FGF12: variants seen among roughly 807,000 people sequenced by gnomAD.
FGF12 encodes the protein fibroblast growth factor 12B.
Under a neutral mutation model 23.6 loss-of-function variants are expected in FGF12, and 14 were observed. That is an observed-to-expected ratio of 0.59 (90% confidence interval 0.39 to 0.93). The LOEUF (loss-of-function observed/expected upper bound fraction) is 0.93. FGF12 is among the 40% of genes least tolerant of loss of function. The pLI is 0.00. For missense variants in FGF12, 175 were observed against 217.8 expected (o/e 0.80, Z 1.24); for synonymous variants, 62 against 77.3 (o/e 0.80, Z 1.04).
rs35779279 is a variant in FGF12, at chr3:192,512,835, A to AATAAATATATATATAT, written c.14-152298_14-152297insATATATATATATTTAT. 3.5e-4 allele frequency among the ~76,000 whole-genome samples: 27 copies of AATAAATATATATATAT among 76,756 alleles called. 2 individuals are homozygous for AATAAATATATATATAT. The highest frequency in any genetic ancestry group is 1.2e-3 in the East Asian group (4 of 3,472). The allele number at this position is 76,756 out of a possible 152,430, so 50.4% of individuals were successfully genotyped here. A position where few individuals can be genotyped will look rare whatever the true frequency, so the allele number is the denominator to read the frequency against. ...GTTAAACCTAGAGTATACTCAAATAAATATATATATATATATATATATATA... is the reference window on the plus strand; with the variant it reads ...GTTAAACCTAGAGTATACTCAAATAAATAAATATATATATATATATATATATATATATATATATATA... On this transcript the variant is annotated intron_variant, in intron 2 of 5. Coordinates refer to ENST00000445105, the MANE Select transcript of FGF12 (RefSeq NM_004113.6).
chr3:192,261,109 G>A (rs973593159), intron 4 of FGF12, among the ~76,000 whole-genome samples: 1 of 152,070 alleles, frequency 6.6e-6, no homozygotes, highest in African/African-American at 2.4e-5. Context: ...GAGCCACAAA[G>A]GAATTATCTG....
intron 4 of FGF12, among the ~76,000 whole-genome samples, chr3:192,232,387 T>G (rs1353649513): frequency 1.3e-5 from 2 of 152,152 alleles, no homozygotes; most frequent in Non-Finnish European, 2.9e-5. Flanking sequence ...TACAGAAAAC[T>G]CTTAATAAAA....
chr3:192,517,486 G>C (rs1724700663), intron 2 of FGF12, among the ~76,000 whole-genome samples: 2 of 152,184 alleles, frequency 1.3e-5, no homozygotes, highest in African/African-American at 4.8e-5. Context: ...ATAGTGTACT[G>C]TATTGTTTAA....
At chr3:192,680,720 T>C (rs1415253597) in intron 2 of FGF12, among the ~76,000 whole-genome samples, 3 of 152,196 alleles carry the variant, frequency 2.0e-5, no homozygotes, top group Non-Finnish European at 2.9e-5. Context: ...ATGAATACAT[T>C]CTATTAAGTT....
chr3:192,502,303 A>G lies in FGF12; in HGVS notation c.14-141765T>C, dbSNP rs1293785214. On this transcript the variant is annotated intron_variant, in intron 2 of 5. Transcript: ENST00000445105. ...TATATTTTAAGCAGAACCAAGTTTA[A>G]GCAGACTTAAAAATTTTTCCTCTGC... is the stretch of plus-strand genomic sequence containing the variant. Among the ~76,000 whole-genome samples, 9 of 152,218 alleles carry G rather than the reference A, an allele frequency of 5.9e-5. 1 individual carries two copies. The highest frequency in any genetic ancestry group is 1.0e-4 in the Non-Finnish European group (7 of 68,030).
At chr3:192,659,504 C>T (rs1716573114) in intron 2 of FGF12, among the ~76,000 whole-genome samples, 1 of 152,138 alleles carries the variant, frequency 6.6e-6, no homozygotes, top group African/African-American at 2.4e-5. Flanking sequence ...TTACATCCCC[C>T]TTCCCACATA....
intron 2 of FGF12, among the ~76,000 whole-genome samples, chr3:192,513,284 T>C (rs760439946): frequency 6.6e-6 from 1 of 152,130 alleles, no homozygotes; most frequent in Non-Finnish European, 1.5e-5. Context: ...TAGAATATAG[T>C]GGTATGATGC....
At chr3:192,398,839 A>T (rs1218009973) in intron 2 of FGF12, among the ~76,000 whole-genome samples, 1 of 152,164 alleles carries the variant, frequency 6.6e-6, no homozygotes, top group Non-Finnish European at 1.5e-5. Flanking sequence ...GCTTTGCAGG[A>T]CCTCAGCATC....
chr3:192,636,658 T>C (rs1715595776), intron 2 of FGF12, among the ~76,000 whole-genome samples: 1 of 152,188 alleles, frequency 6.6e-6, no homozygotes, highest in Non-Finnish European at 1.5e-5. Context: ...GTCATAGCTA[T>C]TGGCTACTCT....
chr3:192,581,823 A>C (rs571747642), intron 2 of FGF12, among the ~76,000 whole-genome samples: 1 of 152,290 alleles, frequency 6.6e-6, no homozygotes, highest in South Asian at 2.1e-4. Context: ...TTAATTACTC[A>C]ATGTGCTGAG....
chr3:192,573,871 A>C (rs190582733), intron 2 of FGF12, among the ~76,000 whole-genome samples: 156 of 152,336 alleles, frequency 1.0e-3, no homozygotes, highest in African/African-American at 3.7e-3. Flanking sequence ...CCTTCCTCTT[A>C]CATGTTCAGC....
chr3:192,297,147 A>G (rs1490287916), intron 4 of FGF12, among the ~76,000 whole-genome samples: 1 of 152,218 alleles, frequency 6.6e-6, no homozygotes, highest in African/African-American at 2.4e-5. Context: ...TGTCTGCTCA[A>G]AAAAATAATA....
intron 2 of FGF12, among the ~76,000 whole-genome samples, chr3:192,504,576 C>T (rs1054375567): frequency 6.6e-6 from 1 of 152,100 alleles, no homozygotes; most frequent in African/African-American, 2.4e-5. Context: ...AAATTGAACA[C>T]GTGAAGTGTA....
intron 5 of FGF12, among the ~76,000 whole-genome samples, chr3:192,151,286 T>C (rs962701767): frequency 7.4e-6 from 1 of 134,760 alleles, no homozygotes; most frequent in Non-Finnish European, 1.6e-5. Flanking sequence ...ACTTCCTCTT[T>C]TCCTAATTGA....
At chr3:192,295,606 G>T (rs1009638403) in intron 4 of FGF12, among the ~76,000 whole-genome samples, 52 of 152,236 alleles carry the variant, frequency 3.4e-4, no homozygotes, top group Non-Finnish European at 7.2e-4. Context: ...AATCACAGCA[G>T]GAATCCTAAT....
rs575312988 is a variant in FGF12 at position 192,483,896 on chromosome 3, G to A, written c.14-123358C>T. Among the ~76,000 whole-genome samples, 4 of 152,270 alleles carry A rather than the reference G, an allele frequency of 2.6e-5. No individual in the cohort carries two copies. The East Asian group carries it at 7.7e-4, about 29-fold the overall frequency. On this transcript the variant is annotated intron_variant, in intron 2 of 5. Transcript: ENST00000445105. ...ATAAAAATTGCTGTAAGGTTTAACA[G>A]GCGTATTGCTGTACATATGAAGGAG...
intron 4 of FGF12, among the ~76,000 whole-genome samples, chr3:192,204,233 A>G (rs1049012438): frequency 6.6e-6 from 1 of 152,100 alleles, no homozygotes; most frequent in Non-Finnish European, 1.5e-5. Flanking sequence ...AGAAAATTCC[A>G]TTTTCTTTAT....
chr3:192,371,602 A>C (rs1719234985), intron 2 of FGF12, among the ~76,000 whole-genome samples: 1 of 152,244 alleles, frequency 6.6e-6, no homozygotes, highest in South Asian at 2.1e-4. Context: ...ACGGTTAGTT[A>C]AACAGTAGCA....
intron 5 of FGF12, among the ~76,000 whole-genome samples, chr3:192,164,561 C>T (rs1344265144): frequency 2.6e-5 from 4 of 152,154 alleles, no homozygotes; most frequent in South Asian, 2.1e-4. Context: ...AAAGACAACA[C>T]CAGCAGGACT....
Sources: gnomAD v4.1 joint callset for allele counts (sites outside exome capture counted in the v4.1 genomes callset) on GRCh38, gnomAD v4.1.1 for gene constraint, MANE v1.5 for transcripts, NCBI Gene and HGNC (gene_info 2026-07-23, HGNC 2026-07-21) for gene names.